KATNAL2: variants seen among roughly 807,000 people sequenced by gnomAD.
KATNAL2 encodes katanin p60 ATPase-containing subunit A-like 2.
Under a neutral mutation model 76.3 loss-of-function variants are expected in KATNAL2, and 52 were observed. That is an observed-to-expected ratio of 0.68 (90% CI 0.55 to 0.86). The LOEUF is 0.86. KATNAL2 is among the 40% of genes least tolerant of loss of function. KATNAL2 has a pLI of 0.00. For missense variants in KATNAL2, 660 were observed against 668.9 expected (o/e 0.99, Z 0.15); for synonymous variants, 243 against 244.2 (o/e 1.00, Z 0.05).
rs961635026 is a variant in KATNAL2, at chr18:47,083,437, G to A, written c.1211+5976G>A. Among the ~76,000 whole-genome samples, 17 of 152,270 alleles carry A rather than the reference G, an allele frequency of 1.1e-4. No individual in the cohort carries two copies. In the East Asian group the frequency reaches 2.1e-3, roughly 19 times the overall value. ...AGTGGCAGTTCTCATCTATTGCATCGTCCGGGGCACTAGGCTATTCTTTAC... is the reference window on the plus strand; with the variant it reads ...AGTGGCAGTTCTCATCTATTGCATCATCCGGGGCACTAGGCTATTCTTTAC... On this transcript the variant is annotated intron_variant, in intron 15 of 17. Coordinates refer to ENST00000683218, the MANE Select transcript of KATNAL2 (RefSeq NM_001387690.1).
chr18:47,069,069 C>T (rs184913724), intron 11 of KATNAL2, 151 bp from the exon 12 acceptor site: 62 of 561,426 alleles, frequency 1.1e-4, no homozygotes, highest in Middle Eastern at 5.5e-4. Context: ...CTGTTTATTT[C>T]GGTCAGAAGC....
chr18:47,093,731 G>A (rs539335695), intron 15 of KATNAL2, among the ~76,000 whole-genome samples: 65 of 152,118 alleles, frequency 4.3e-4, no homozygotes, highest in Admixed American at 2.2e-3. Context: ...GGCTGGATTC[G>A]AACTCCTGGG....
chr18:46,941,113 G>A (rs867123851), intron 1 of KATNAL2, among the ~76,000 whole-genome samples: 23 of 152,248 alleles, frequency 1.5e-4, no homozygotes, highest in Middle Eastern at 6.8e-3. Context: ...TACCTGGGGT[G>A]AGGAGTTTGA....
At chr18:47,086,012 G>C (rs1345839154) in intron 15 of KATNAL2, among the ~76,000 whole-genome samples, 1 of 152,018 alleles carries the variant, frequency 6.6e-6, no homozygotes, top group Non-Finnish European at 1.5e-5. Context: ...AGAATTGCTT[G>C]AGCCCAGGAG....
At chr18:46,930,360 G>C (rs1261500708) in intron 1 of KATNAL2, among the ~76,000 whole-genome samples, 1 of 151,870 alleles carries the variant, frequency 6.6e-6, no homozygotes, top group African/African-American at 2.4e-5. Flanking sequence ...CTCATAATTT[G>C]TCACTACTAT....
intron 15 of KATNAL2, chr18:47,098,262 G>A: frequency 2.6e-6 from 1 of 388,566 alleles, no homozygotes; most frequent in Non-Finnish European, 5.1e-6. Context: ...CATGCTGCTG[G>A]TGAAGACATA....
intron 13 of KATNAL2, among the ~76,000 whole-genome samples, chr18:47,069,892 T>A (rs1414437770): frequency 6.6e-6 from 1 of 152,136 alleles, no homozygotes. Flanking sequence ...TGACGTGGCA[T>A]ATTTTTTCTT....
At chr18:47,073,306 G>C (rs1315346742) in intron 13 of KATNAL2, among the ~76,000 whole-genome samples, 1 of 152,176 alleles carries the variant, frequency 6.6e-6, no homozygotes, top group Non-Finnish European at 1.5e-5. Flanking sequence ...AGCAACTTTT[G>C]AAAGGTTTAG....
rs1469258636 is a variant in KATNAL2 at position 47,054,684 on chromosome 18, G to A, written c.332+246G>A. 8.9e-6 allele frequency: 4 copies of A among 451,586 alleles called. No homozygotes were observed. In the East Asian group the frequency reaches 1.1e-4, roughly 12 times the overall value. The allele number at this position is 451,586 out of a possible 1,614,324, so 28.0% of individuals were successfully genotyped here. A position where few individuals can be genotyped will look rare whatever the true frequency, so the allele number is the denominator to read the frequency against. ...GATGCTCTGTCTTTCCAGGCCATGT[G>A]GTATGAAAAGTCTTAACCTCAAAGG... On this transcript the variant is annotated intron_variant, in intron 6 of 17. Transcript: ENST00000683218.
chr18:47,071,247 G>T (rs926964366), intron 13 of KATNAL2, among the ~76,000 whole-genome samples: 1 of 152,044 alleles, frequency 6.6e-6, no homozygotes. Flanking sequence ...CAATCCTCCC[G>T]CCTCGGGCTC....
At chr18:47,031,887 T>A (rs1159556105) in intron 3 of KATNAL2, among the ~76,000 whole-genome samples, 1 of 152,156 alleles carries the variant, frequency 6.6e-6, no homozygotes, top group Non-Finnish European at 1.5e-5. Context: ...CTGGCTTTTT[T>A]CCTGTGTGTG....
At chr18:47,063,401 G>T in intron 10 of KATNAL2, 40 bp downstream of exon 10, 6 of 1,523,880 alleles carry the variant, frequency 3.9e-6, no homozygotes, top group Non-Finnish European at 4.5e-6. Context: ...ATGGAGGCAG[G>T]CTGGGGCTTC....
chr18:46,940,349 A>C (rs921663801), intron 1 of KATNAL2, among the ~76,000 whole-genome samples: 1 of 152,256 alleles, frequency 6.6e-6, no homozygotes, highest in Admixed American at 6.5e-5. Context: ...ATAAGATCCA[A>C]TAAAAGCTCT....
intron 1 of KATNAL2, among the ~76,000 whole-genome samples, chr18:46,932,314 A>C (rs2058951852): frequency 6.6e-6 from 1 of 152,216 alleles, no homozygotes; most frequent in African/African-American, 2.4e-5. Context: ...AAATAAAAGA[A>C]TAAATAGTTT....
intron 11 of KATNAL2, among the ~76,000 whole-genome samples, chr18:47,068,707 G>A (rs1017144538): frequency 3.3e-5 from 5 of 152,204 alleles, no homozygotes; most frequent in African/African-American, 1.2e-4. Flanking sequence ...TGAAGGCTAC[G>A]CATGTCCTGT....
intron 6 of KATNAL2, among the ~76,000 whole-genome samples, chr18:47,056,116 G>A (rs984829837): frequency 6.6e-5 from 10 of 152,196 alleles, no homozygotes; most frequent in African/African-American, 1.9e-4. Flanking sequence ...AGGGAGGAAA[G>A]GTTATCTAAT....
At chr18:46,954,326 C>CT (rs57075892) in intron 3 of KATNAL2, among the ~76,000 whole-genome samples, 2,821 of 121,118 alleles carry the variant, frequency 0.023, 94 homozygotes, top group Non-Finnish European at 0.028. Context: ...TCTTCTTCGT[C>CT]TTTTTTTTTT....
chr18:47,049,025 C>A (rs1002136411), intron 4 of KATNAL2, among the ~76,000 whole-genome samples: 2 of 151,854 alleles, frequency 1.3e-5, no homozygotes, highest in East Asian at 3.9e-4. Flanking sequence ...TTAGTAGAGA[C>A]GGGGTTTCAC....
chr18:46,926,690 A>C (rs1368700938), intron 1 of KATNAL2, among the ~76,000 whole-genome samples: 2 of 152,050 alleles, frequency 1.3e-5, no homozygotes, highest in African/African-American at 4.8e-5. Context: ...TGGGGTGTGA[A>C]AGTCTCCCAT....
Sources: allele counts gnomAD v4.1 joint callset (sites outside exome capture counted in the v4.1 genomes callset), GRCh38; gene constraint gnomAD v4.1.1; transcripts MANE v1.5; gene names NCBI Gene and HGNC (gene_info 2026-07-23, HGNC 2026-07-21).